Variants in GRIN2B observed in about 807,000 individuals in gnomAD.
GRIN2B encodes the protein glutamate receptor ionotropic, NMDA 2B.
In GRIN2B, 5 loss-of-function variants were observed where a neutral mutation model predicts 114.5. That is an observed-to-expected ratio of 0.04 (90% CI 0.02 to 0.09). The LOEUF is 0.09. GRIN2B is among the 10% of genes least tolerant of loss of function. GRIN2B has a pLI of 1.00. For missense variants in GRIN2B, 1,108 were observed against 1,943.5 expected, an observed-to-expected ratio of 0.57 and a Z score of 8.08; for synonymous variants, 787 against 745.1, an observed-to-expected ratio of 1.06 and a Z score of -0.92.
In GRIN2B at chr12:13,563,817, C is replaced by T; in HGVS notation, c.3421G>A (p.Glu1141Lys). Residue 1141 changes from glutamate to lysine, a missense_variant, in exon 14 of 14, where the codon GAG (glutamate) becomes AAG (lysine). Around this residue, in one of 19 missense-constraint regions of GRIN2B, gnomAD observed 478 missense variants for 506.0 expected, o/e 0.94. Coordinates refer to ENST00000609686, the MANE Select transcript of GRIN2B (RefSeq NM_000834.5). ...DFYLDQFRTK[E>K]NSPHWEHVDL... Reference sequence around the variant, plus strand: ...ACGTGCTCCCAGTGGGGTGAGTTCTCCTTTGTTCGGAACTGGTCCAGGTAG... The same window carrying T: ...ACGTGCTCCCAGTGGGGTGAGTTCTTCTTTGTTCGGAACTGGTCCAGGTAG... 6.2e-7 allele frequency: 1 copy of T among 1,614,128 alleles called. No homozygotes were observed. Among genetic ancestry groups the T allele is most frequent in the Non-Finnish European group, 8.5e-7 (1 of 1,180,016 alleles).
chr12:13,831,122 T>C (rs1865137354), intron 3 of GRIN2B, among the ~76,000 whole-genome samples: 1 of 152,132 alleles, frequency 6.6e-6, no homozygotes, highest in Non-Finnish European at 1.5e-5. Flanking sequence ...CACCTCGTGG[T>C]CTCTGGACAC....
At position 13,806,179 on chromosome 12, in the gene GRIN2B, T is replaced by C. The variant is rs571698739; in HGVS notation, c.412-52264A>G. Among the ~76,000 whole-genome samples, 35 of 152,296 alleles carry C rather than the reference T, an allele frequency of 2.3e-4. 1 individual carries two copies. In the South Asian group the frequency reaches 7.2e-3, roughly 32 times the overall value. Reference sequence around the variant, plus strand: ...ATATCTTGGCTACTGTGAATAATGATGCAATGAACATGGGAGTCAGCTTTT... The same window carrying C: ...ATATCTTGGCTACTGTGAATAATGACGCAATGAACATGGGAGTCAGCTTTT... On this transcript the variant is annotated intron_variant, in intron 3 of 13. Transcript: ENST00000609686.
At chr12:13,925,685 A>T (rs1026303914) in intron 2 of GRIN2B, among the ~76,000 whole-genome samples, 6 of 152,094 alleles carry the variant, frequency 3.9e-5, no homozygotes, top group African/African-American at 1.4e-4. Flanking sequence ...AACCAAGCCC[A>T]ATAGTCACCT....
intron 3 of GRIN2B, among the ~76,000 whole-genome samples, chr12:13,778,339 G>T (rs889181581): frequency 6.6e-6 from 1 of 152,160 alleles, no homozygotes; most frequent in Non-Finnish European, 1.5e-5. Context: ...AGGTATTCTG[G>T]AGAACACAAC....
intron 13 of GRIN2B, among the ~76,000 whole-genome samples, chr12:13,565,302 A>G (rs1948624031): frequency 6.6e-6 from 1 of 151,224 alleles, no homozygotes; most frequent in African/African-American, 2.4e-5. Context: ...GCTGTGTTCT[A>G]CACTGTGGGA....
At chr12:13,791,857 G>A (rs765354436) in intron 3 of GRIN2B, among the ~76,000 whole-genome samples, 3 of 152,138 alleles carry the variant, frequency 2.0e-5, no homozygotes, top group East Asian at 3.9e-4. Context: ...CAAATGGTTA[G>A]TGTTAACCGT....
chr12:13,636,911 T>A (rs752922014), intron 5 of GRIN2B, among the ~76,000 whole-genome samples: 7 of 152,142 alleles, frequency 4.6e-5, no homozygotes, highest in Non-Finnish European at 1.0e-4. Context: ...TGTAAAGCAC[T>A]TAGAGCAGCA....
chr12:13,851,133 C>A (rs1349196101), intron 3 of GRIN2B, among the ~76,000 whole-genome samples: 4 of 152,150 alleles, frequency 2.6e-5, no homozygotes, highest in Non-Finnish European at 4.4e-5. Flanking sequence ...TCAAAACATA[C>A]CCAAAAGAGT....
Position 13,980,191 on chromosome 12 carries a change from A to T in GRIN2B, c.-282T>A, listed in dbSNP as rs1028540828. The T allele has an allele frequency of 2.0e-5, 3 of 152,194 alleles. No homozygotes were observed. The highest frequency in any genetic ancestry group is 7.2e-5 in the African/African-American group (3 of 41,438). The allele number at this position is 152,194 out of a possible 1,614,324, so 9.4% of individuals were successfully genotyped here. A position where few individuals can be genotyped will look rare whatever the true frequency, so the allele number is the denominator to read the frequency against. The stretch of plus-strand genomic sequence containing the variant: ...TCACAATGCAGAATCCAGAGTAATT[A>T]TTCCGTGTGCATGTGAGGTTAGTGG... On this transcript the variant is annotated 5_prime_UTR_variant, in exon 2 of 14. It removes the in-frame stop codon of an upstream open reading frame in the 5' UTR. Coordinates refer to ENST00000609686, the MANE Select transcript of GRIN2B (RefSeq NM_000834.5).
intron 10 of GRIN2B, among the ~76,000 whole-genome samples, chr12:13,599,627 A>AT (rs1366649783): frequency 2.6e-5 from 4 of 152,290 alleles, no homozygotes; most frequent in East Asian, 1.9e-4. Context: ...AACATTGATA[A>AT]TTTTTTTGTT....
rs1865909017 is a variant in GRIN2B at position 13,871,620 on chromosome 12, C to G, written c.-18-5394G>C. Among the ~76,000 whole-genome samples the G allele has an allele frequency of 3.3e-5, 5 of 150,262 alleles. No individual in the cohort carries two copies. In the South Asian group the frequency reaches 1.1e-3, roughly 32 times the overall value. ...CTGCATTAAAAACTTAACAGTCAAC[C>G]CTAATAAACAAGAAAATAACAAATG... On this transcript the variant is annotated intron_variant, in intron 2 of 13. Transcript: ENST00000609686.
intron 4 of GRIN2B, among the ~76,000 whole-genome samples, chr12:13,714,663 T>C (rs1950440438): frequency 6.6e-6 from 1 of 151,870 alleles, no homozygotes; most frequent in South Asian, 2.1e-4. Context: ...CTTCCACCTA[T>C]GCCAAAAAGA....
At chr12:13,590,780 G>A (rs1298464486) in intron 10 of GRIN2B, among the ~76,000 whole-genome samples, 2 of 152,240 alleles carry the variant, frequency 1.3e-5, no homozygotes, top group East Asian at 3.9e-4. Flanking sequence ...GGAATTGCTG[G>A]GGAAAGACCA....
In GRIN2B at chr12:13,704,694, CTGCATCTATGTTAAATG is replaced by C. The variant is rs1276422178; in HGVS notation, c.1011-28852_1011-28836del. Among the ~76,000 whole-genome samples the C allele has an allele frequency of 3.3e-5, 5 of 152,240 alleles. No homozygotes were observed. In the East Asian group the frequency reaches 9.7e-4, roughly 30 times the overall value. ...TCCATGAGATTTCTTCTCCCCATGG[CTGCATCTATGTTAAATG>C]AGATAAAACAGCATCTGCCTCACAG... On this transcript the variant is annotated intron_variant, in intron 4 of 13. Coordinates refer to ENST00000609686, the MANE Select transcript of GRIN2B (RefSeq NM_000834.5).
intron 4 of GRIN2B, among the ~76,000 whole-genome samples, chr12:13,707,240 A>G (rs1950368505): frequency 7.6e-6 from 1 of 131,850 alleles, no homozygotes; most frequent in Non-Finnish European, 1.7e-5. Context: ...AAGGGAGAAC[A>G]ACAGATCTAC....
intron 10 of GRIN2B, among the ~76,000 whole-genome samples, chr12:13,587,260 A>G (rs1428288777): frequency 1.3e-5 from 2 of 151,874 alleles, no homozygotes; most frequent in Non-Finnish European, 2.9e-5. Flanking sequence ...CTTGTCTTTA[A>G]CAATATACCA....
rs1949430526 is a variant in GRIN2B, at chr12:13,615,741, A to C, written c.1329-77T>G. 3.9e-6 allele frequency: 5 copies of C among 1,286,862 alleles called. No individual in the cohort carries two copies. The highest frequency in any genetic ancestry group is 5.7e-6 in the Non-Finnish European group (5 of 883,378). 79.7% of individuals were successfully genotyped at this position (1,286,862 alleles called of 1,614,324 possible). On this transcript the variant is annotated intron_variant, in intron 6 of 13. Transcript: ENST00000609686. This position sits in a 1 kb window ranked among gnomAD's most constrained non-coding sequence, Gnocchi z 5.8. Reference sequence around the variant, plus strand: ...AAGCCAACATTTATTACCCTTTGCCATTAAAAAACCTCCAATCCCAAAGCA... The same window carrying C: ...AAGCCAACATTTATTACCCTTTGCCCTTAAAAAACCTCCAATCCCAAAGCA...
At chr12:13,927,091 C>CT in intron 2 of GRIN2B, among the ~76,000 whole-genome samples, 1 of 152,144 alleles carries the variant, frequency 6.6e-6, no homozygotes, top group East Asian at 1.9e-4. Context: ...AATAATATCA[C>CT]TGTAAGAGCA....
intron 2 of GRIN2B, among the ~76,000 whole-genome samples, chr12:13,961,475 G>A (rs1320704537): frequency 2.0e-5 from 3 of 152,262 alleles, no homozygotes; most frequent in Non-Finnish European, 4.4e-5. Flanking sequence ...ATGGAAATGT[G>A]CAAGAATCCA....
Sources: gnomAD v4.1 joint callset for allele counts (sites outside exome capture counted in the v4.1 genomes callset) on GRCh38, gnomAD v4.1.1 for gene constraint, gnomAD v4.1.1 regional missense constraint, Gnocchi (gnomAD v3.1) non-coding constraint, MANE v1.5 for transcripts, NCBI Gene and HGNC (gene_info 2026-07-23, HGNC 2026-07-21) for gene names.